Variants in TMC2 observed in about 807,000 individuals in gnomAD.
TMC2 encodes the protein transmembrane channel-like protein 2.
A neutral mutation model predicts 105.9 loss-of-function variants in TMC2; 102 were observed. That is an observed-to-expected ratio of 0.96 (90% CI 0.82 to 1.14). The LOEUF (loss-of-function observed/expected upper bound fraction) is 1.14. Ranked by LOEUF, TMC2 falls within the 50% of genes most tolerant of loss-of-function variation. The pLI is 0.00. For synonymous variants in TMC2, 402 were observed against 422.8 expected, an observed-to-expected ratio of 0.95 and a Z score of 0.60; for missense variants, 1,093 against 1,134.3, an observed-to-expected ratio of 0.96 and a Z score of 0.52.
chr20:2,589,076 T>G (rs1277635677), intron 7 of TMC2, among the ~76,000 whole-genome samples: 1 of 152,180 alleles, frequency 6.6e-6, no homozygotes, highest in Non-Finnish European at 1.5e-5. Context: ...TTTTATTGTT[T>G]AATTTTTCTT....
At chr20:2,606,462 G>C (rs1408128805) in intron 11 of TMC2, among the ~76,000 whole-genome samples, 1 of 152,154 alleles carries the variant, frequency 6.6e-6, no homozygotes, top group Non-Finnish European at 1.5e-5. Context: ...GTTTCACCCT[G>C]TTGGCCAGGC....
intron 5 of TMC2, among the ~76,000 whole-genome samples, chr20:2,578,942 G>A (rs2086166829): frequency 6.6e-6 from 1 of 152,154 alleles, no homozygotes; most frequent in Admixed American, 6.5e-5. Flanking sequence ...CTCACTCCAG[G>A]CCTGACGTTG....
rs914118582 is a variant in TMC2 at position 2,607,954 on chromosome 20, G to A, written c.1414-2465G>A. ...AGCCTGGCCAACATGGTGAAACCTC[G>A]TCTCTACTAAATACAAAAAATTAGC... On this transcript the variant is annotated intron_variant, in intron 11 of 19. Transcript: ENST00000358864. Among the ~76,000 whole-genome samples the A allele has an allele frequency of 1.3e-4, 19 of 151,972 alleles. No individual in the cohort carries two copies. The South Asian group carries it at 1.5e-3, about 12-fold the overall frequency.
intron 19 of TMC2, among the ~76,000 whole-genome samples, chr20:2,639,387 T>C (rs1181692190): frequency 6.6e-6 from 1 of 152,230 alleles, no homozygotes; most frequent in African/African-American, 2.4e-5. Context: ...TCATCTTTCA[T>C]ATACTCTACC....
At chr20:2,629,458 T>C (rs2086587579) in intron 17 of TMC2, among the ~76,000 whole-genome samples, 1 of 147,654 alleles carries the variant, frequency 6.8e-6, no homozygotes, top group Non-Finnish European at 1.5e-5. Context: ...TAAGTCATTG[T>C]AACATAGGTA....
intron 2 of TMC2, among the ~76,000 whole-genome samples, chr20:2,552,698 T>C (rs1421162102): frequency 6.6e-6 from 1 of 152,122 alleles, no homozygotes; most frequent in Admixed American, 6.6e-5. Flanking sequence ...GTATTTTTAG[T>C]AGAGACGGGG....
At chr20:2,623,134 A>T (rs2086537791) in intron 16 of TMC2, among the ~76,000 whole-genome samples, 1 of 152,096 alleles carries the variant, frequency 6.6e-6, no homozygotes, top group Admixed American at 6.6e-5. Flanking sequence ...GTAACTAAGA[A>T]ACTGAATTTC....
At chr20:2,598,698 G>A (rs990795937) in intron 10 of TMC2, among the ~76,000 whole-genome samples, 3 of 152,066 alleles carry the variant, frequency 2.0e-5, no homozygotes, top group African/African-American at 7.2e-5. Flanking sequence ...ATGAGCCACT[G>A]TGCCCAGCCC....
intron 19 of TMC2, among the ~76,000 whole-genome samples, chr20:2,640,158 T>A (rs1001713878): frequency 6.6e-6 from 1 of 152,044 alleles, no homozygotes; most frequent in African/African-American, 2.4e-5. Context: ...ATTTTTGTAT[T>A]TTTAGTAGAG....
chr20:2,611,609 A>G (rs763972568), intron 12 of TMC2, among the ~76,000 whole-genome samples: 1 of 152,150 alleles, frequency 6.6e-6, no homozygotes, highest in Non-Finnish European at 1.5e-5. Context: ...TTTCCCAGAG[A>G]GAATTTCTCA....
At chr20:2,568,856 C>T (rs1292317671) in intron 4 of TMC2, among the ~76,000 whole-genome samples, 1 of 152,154 alleles carries the variant, frequency 6.6e-6, no homozygotes, top group African/African-American at 2.4e-5. Flanking sequence ...AGCATTGAGA[C>T]ACTGAGACAT....
chr20:2,578,075 C>T (rs1302418979), intron 5 of TMC2, among the ~76,000 whole-genome samples: 2 of 152,110 alleles, frequency 1.3e-5, no homozygotes, highest in African/African-American at 2.4e-5. Context: ...AATCCCAACA[C>T]TTTGGGAGGT....
intron 2 of TMC2, among the ~76,000 whole-genome samples, chr20:2,542,824 T>A (rs2085898899): frequency 6.6e-6 from 1 of 151,842 alleles, no homozygotes; most frequent in Non-Finnish European, 1.5e-5. Context: ...CCCGAGTAGC[T>A]GGGACTACAG....
rs2086700696 is a variant in TMC2 at position 2,643,305 on chromosome 20, T to C, written c.*1954T>C. Among the ~76,000 whole-genome samples, 1 of 152,154 alleles carries C rather than the reference T, an allele frequency of 6.6e-6. No individual in the cohort carries two copies. Among genetic ancestry groups the C allele is most frequent in the Non-Finnish European group, 1.5e-5 (1 of 68,040 alleles). On this transcript the variant is annotated 3_prime_UTR_variant, in exon 20 of 20. Transcript: ENST00000358864. Reference sequence around the variant, plus strand: ...CAATCAGGACCAGAAGGCCCAAAGATGGCCACCACACCAACACCTGGCCTT... The same window carrying C: ...CAATCAGGACCAGAAGGCCCAAAGACGGCCACCACACCAACACCTGGCCTT...
chr20:2,632,778 A>G lies in TMC2; in HGVS notation c.2307-3148A>G, dbSNP rs2086612862. 2.0e-5 allele frequency among the ~76,000 whole-genome samples: 3 copies of G among 152,052 alleles called. No homozygotes were observed. In the South Asian group the frequency reaches 6.2e-4, roughly 32 times the overall value. On this transcript the variant is annotated intron_variant, in intron 17 of 19. Coordinates refer to ENST00000358864, the MANE Select transcript of TMC2 (RefSeq NM_080751.3). ...CTAATTTTTTGTATTTTTAGTAGAAATGGGGTTTCCCCATGTTGGCCAGGC... is the reference window on the plus strand; with the variant it reads ...CTAATTTTTTGTATTTTTAGTAGAAGTGGGGTTTCCCCATGTTGGCCAGGC...
At chr20:2,639,901 A>G (rs2086675912) in intron 19 of TMC2, among the ~76,000 whole-genome samples, 1 of 152,214 alleles carries the variant, frequency 6.6e-6, no homozygotes, top group African/African-American at 2.4e-5. Flanking sequence ...TTTTAAAATT[A>G]AACAGTGTCT....
intron 5 of TMC2, among the ~76,000 whole-genome samples, chr20:2,577,437 C>T (rs1182195730): frequency 3.9e-5 from 6 of 152,154 alleles, no homozygotes; most frequent in Admixed American, 3.3e-4. Context: ...ATCACCATAT[C>T]CTTCCTATCT....
Position 2,592,169 on chromosome 20 carries a change from A to T in TMC2, c.835-141A>T. ...CTCCATCTCAAAAAATAAAAAATGA[A>T]TTAAATTAATAAATACATAAAGAAA... On this transcript the variant is annotated intron_variant, in intron 7 of 19. Coordinates refer to ENST00000358864, the MANE Select transcript of TMC2 (RefSeq NM_080751.3). This position sits in a 1 kb window ranked among gnomAD's most constrained non-coding sequence, Gnocchi z 4.9. The T allele has an allele frequency of 1.8e-6, 1 of 543,030 alleles. No individual in the cohort carries two copies. The highest frequency in any genetic ancestry group is 3.0e-5 in the South Asian group (1 of 33,454). The allele number at this position is 543,030 out of a possible 1,614,324, so 33.6% of individuals were successfully genotyped here.
At chr20:2,537,705 A>T (rs1250325184) in intron 2 of TMC2, among the ~76,000 whole-genome samples, 1 of 151,982 alleles carries the variant, frequency 6.6e-6, no homozygotes, top group Non-Finnish European at 1.5e-5. Context: ...AGTAGGCATA[A>T]TGGGTGCTCC....
Sources: gnomAD v4.1 joint callset for allele counts (sites outside exome capture counted in the v4.1 genomes callset) on GRCh38, gnomAD v4.1.1 for gene constraint, Gnocchi (gnomAD v3.1) non-coding constraint, MANE v1.5 for transcripts, NCBI Gene and HGNC (gene_info 2026-07-23, HGNC 2026-07-21) for gene names.